The following NKAIN4 variants were observed in gnomAD, a reference collection of about 807,000 sequenced individuals.
NKAIN4 encodes sodium/potassium transporting ATPase interacting 4, also known as sodium/potassium-transporting ATPase subunit beta-1-interacting protein 4.
In NKAIN4, 28 loss-of-function variants were observed where a neutral mutation model predicts 28.8. The observed-to-expected ratio is 0.97, with a 90% CI of 0.72 to 1.33. The LOEUF (loss-of-function observed/expected upper bound fraction) is 1.33, where lower values mean the gene tolerates loss of function less well. NKAIN4 is among the 40% of genes most tolerant of loss of function. The pLI, the probability that NKAIN4 is intolerant of heterozygous loss-of-function variation, is 0.00. For missense variants in NKAIN4, 289 were observed against 277.2 expected (o/e 1.04, Z -0.30); for synonymous variants, 122 against 115.6 (o/e 1.06, Z -0.36).
rs975403140 is a variant in NKAIN4 at position 63,245,334 on chromosome 20, C to T, written c.472-1250G>A. ...GGCAACCTCCACGGCTCGTCCCCCT[C>T]CTCACCCCAAAGGAGCCCAAGACGC... On this transcript the variant is annotated intron_variant, in intron 4 of 6. Transcript: ENST00000370316. The surrounding 1 kb of genome is among the most constrained non-coding windows in gnomAD (Gnocchi z 4.7). Among the ~76,000 whole-genome samples the T allele has an allele frequency of 1.1e-4, 16 of 152,180 alleles. No homozygotes were observed. Among genetic ancestry groups the T allele is most frequent in the African/African-American group, 3.6e-4 (15 of 41,436 alleles).
intron 4 of NKAIN4, chr20:63,246,865 C>T (rs890646205): frequency 2.0e-6 from 2 of 985,180 alleles, no homozygotes; most frequent in Admixed American, 6.1e-5. Context: ...GAGGCGGGAG[C>T]TGAGGCACAC....
chr20:63,243,052 T>G (rs1291020652), intron 5 of NKAIN4, among the ~76,000 whole-genome samples: 2 of 152,194 alleles, frequency 1.3e-5, no homozygotes, highest in Non-Finnish European at 2.9e-5. Context: ...ACCGATGGCT[T>G]CCTTGACACT....
chr20:63,247,806 T>G (rs1374849862), intron 3 of NKAIN4, 31 bp from the exon 4 acceptor site: 2 of 1,425,736 alleles, frequency 1.4e-6, no homozygotes, highest in East Asian at 2.6e-5. Context: ...CAGGGCCGGT[T>G]AGCACCAGGA....
chr20:63,248,848 G>T lies in NKAIN4; in HGVS notation c.240C>A (p.Ile80=). 6.2e-7 allele frequency: 1 copy of T among 1,612,888 alleles called. No individual in the cohort carries two copies. The highest frequency in any genetic ancestry group is 8.5e-7 in the Non-Finnish European group (1 of 1,179,856). ...GGCCACCGACTTCCAGGTAGAAGCA[G>T]ATGATGAAGACGTTCCAGGTGACCC... is the stretch of plus-strand genomic sequence containing the variant. ...AVWVTWNVFI[I]CFYLEVGGLL... is the part of the protein sequence containing the mutation. The change falls in exon 3 of 7, where the codon ATC becomes ATA. Residue 80 remains isoleucine, a synonymous_variant. Transcript: ENST00000370316.
At position 63,242,649 on chromosome 20, in the gene NKAIN4, A is replaced by C. The variant is rs1191323502; in HGVS notation, c.533-26T>G. 4 of 1,547,764 alleles carry C rather than the reference A, an allele frequency of 2.6e-6. No individual in the cohort carries two copies. In the South Asian group the frequency reaches 4.5e-5, roughly 17 times the overall value. ...CTGAAAGAAATCAAGACCCAAATAA[A>C]ACAAAACCTACACAATGGAAAAGAT... On this transcript the variant is annotated intron_variant, in intron 5 of 6. Coordinates refer to ENST00000370316, the MANE Select transcript of NKAIN4 (RefSeq NM_152864.4).
intron 5 of NKAIN4, 31 bp from the exon 6 acceptor site, chr20:63,242,654 A>T (rs377455549): frequency 2.7e-5 from 41 of 1,528,854 alleles, no homozygotes; most frequent in Non-Finnish European, 3.5e-5. Context: ...AATAAAACAA[A>T]ACCTACACAA....
chr20:63,243,925 G>C, intron 5 of NKAIN4, 99 bp downstream of exon 5: 1 of 989,766 alleles, frequency 1.0e-6, no homozygotes, highest in Non-Finnish European at 1.5e-6. Context: ...TCCCTTCCAA[G>C]TGGGGAGGTC....
At position 63,254,422 on chromosome 20, in the gene NKAIN4, AGCGCGCAGCG is replaced by A. The variant is rs1432874062; in HGVS notation, c.19_28del (p.Arg7SerfsTer81). ...CAGCTGAAAAGCGCAGAGGACGACG[AGCGCGCAGCG>A]GCCGGAGCAGGAGCCCATGGTGCCC... On this transcript the variant is annotated frameshift_variant, in exon 1 of 7. Transcript: ENST00000370316. LOFTEE classifies it high-confidence loss of function. The A allele has an allele frequency of 2.1e-6, 3 of 1,442,768 alleles. No homozygotes were observed. The highest frequency in any genetic ancestry group is 2.7e-6 in the Non-Finnish European group (3 of 1,098,464). 89.4% of individuals were successfully genotyped at this position (1,442,768 alleles called of 1,614,324 possible). A position where few individuals can be genotyped will look rare whatever the true frequency, so the allele number is the denominator to read the frequency against.
upstream of NKAIN4, chr20:63,254,513 C>A (rs1389617181): frequency 2.0e-5 from 24 of 1,170,746 alleles, no homozygotes; most frequent in Admixed American, 4.3e-5. Context: ...CCGCTCCGCC[C>A]GCTCCCCACG....
intron 6 of NKAIN4, among the ~76,000 whole-genome samples, chr20:63,242,190 A>C (rs981956562): frequency 5.9e-5 from 9 of 152,084 alleles, no homozygotes; most frequent in Admixed American, 3.3e-4. Context: ...TGCCACAGAG[A>C]GACCCCTACA....
rs749009324 is a variant in NKAIN4 at position 63,249,948 on chromosome 20, C to T, written c.179G>A (p.Arg60His). Residue 60 changes from arginine (R) to histidine (H), a missense_variant, in exon 2 of 7, where the codon CGC (arginine) becomes CAC (histidine). By Grantham distance (29) the Arg-to-His change is conservative. Transcript: ENST00000370316. ...CCCAGGACTCACCACCATGACATAG[C>T]GCAGCCGGTACTGGATGGTGCCGAA... ...GLFGTIQYRLRYVMVYTLWAA... is the reference protein window; with the variant it reads ...GLFGTIQYRLHYVMVYTLWAA... The T allele has an allele frequency of 2.5e-5, 40 of 1,613,098 alleles. No homozygotes were observed. The highest frequency in any genetic ancestry group is 3.3e-5 in the Admixed American group (2 of 59,952).
chr20:63,244,919 A>G (rs957114134), intron 4 of NKAIN4, among the ~76,000 whole-genome samples: 1 of 152,170 alleles, frequency 6.6e-6, no homozygotes, highest in African/African-American at 2.4e-5. Context: ...TCCTGGTTGC[A>G]CCTCAGGCCA....
chr20:63,252,650 C>G lies in NKAIN4; in HGVS notation c.54+1747G>C, dbSNP rs2066981466. Among the ~76,000 whole-genome samples, 1 of 152,092 alleles carries G rather than the reference C, an allele frequency of 6.6e-6. No individual in the cohort carries two copies. ...CTCCCTGCTGCGGTTCAGCAGTGAC[C>G]CAGAGGCTGGCCCTGAGAGGACACG... On this transcript the variant is annotated intron_variant, in intron 1 of 6. Coordinates refer to ENST00000370316, the MANE Select transcript of NKAIN4 (RefSeq NM_152864.4). The surrounding 1 kb of genome is among the most constrained non-coding windows in gnomAD (Gnocchi z 4.6).
intron 4 of NKAIN4, chr20:63,244,564 G>A (rs1171709681): frequency 2.1e-6 from 1 of 471,108 alleles, no homozygotes. Flanking sequence ...GCCCGGCAAA[G>A]TGCAGGAGAG....
intron 5 of NKAIN4, chr20:63,243,764 C>G (rs544743193): frequency 2.5e-6 from 1 of 402,288 alleles, no homozygotes; most frequent in South Asian, 4.1e-5. Context: ...ATCATGAGGG[C>G]AGGCCCAGCC....
rs754405977 is a variant in NKAIN4, at chr20:63,254,362, G to A, written c.54+35C>T. The A allele has an allele frequency of 6.3e-5, 90 of 1,420,540 alleles. No homozygotes were observed. The South Asian group carries it at 1.1e-3, about 18-fold the overall frequency. The allele number at this position is 1,420,540 out of a possible 1,614,324, so 88.0% of individuals were successfully genotyped here. ...CAGCCGCCGTGGGTCGGGCACCGGGGGCTCCAGGAGGCTCGCGGAGGGGTC... is the reference window on the plus strand; with the variant it reads ...CAGCCGCCGTGGGTCGGGCACCGGGAGCTCCAGGAGGCTCGCGGAGGGGTC... On this transcript the variant is annotated intron_variant, in intron 1 of 6. Transcript: ENST00000370316.
rs2066986761 is a variant in NKAIN4 at position 63,252,960 on chromosome 20, C to A, written c.54+1437G>T. 6.6e-6 allele frequency among the ~76,000 whole-genome samples: 1 copy of A among 152,194 alleles called. No individual in the cohort carries two copies. The highest frequency in any genetic ancestry group is 2.4e-5 in the African/African-American group (1 of 41,444). ...CCAGCACCATCAACCCCAGCACATC[C>A]TCACACCACCTTCAACAGATGGAAA... is the stretch of plus-strand genomic sequence containing the variant. On this transcript the variant is annotated intron_variant, in intron 1 of 6. Transcript: ENST00000370316. This position sits in a 1 kb window ranked among gnomAD's most constrained non-coding sequence, Gnocchi z 4.6.
At chr20:63,247,284 C>A (rs1435316688) in intron 4 of NKAIN4, 1 of 1,338,962 alleles carries the variant, frequency 7.5e-7, no homozygotes. Context: ...CGGGGTGTCT[C>A]GGCCTGATCC....
Position 63,254,425 on chromosome 20 carries a change from G to A in NKAIN4, c.26C>T (p.Ala9Val), listed in dbSNP as rs2067015864. 1.4e-6 allele frequency: 2 copies of A among 1,440,744 alleles called. No homozygotes were observed. Among genetic ancestry groups the A allele is most frequent in the South Asian group, 1.4e-5 (1 of 73,294 alleles). The allele number at this position is 1,440,744 out of a possible 1,614,324, so 89.2% of individuals were successfully genotyped here. The change falls in exon 1 of 7, where the codon GCG (alanine) becomes GTG (valine). Residue 9 changes from alanine to valine, a missense_variant. Ala to Val is a moderately conservative substitution (Grantham distance 64). Coordinates refer to ENST00000370316, the MANE Select transcript of NKAIN4 (RefSeq NM_152864.4). MGSCSGRC[A>V]LVVLCAFQLV... ...CTGAAAAGCGCAGAGGACGACGAGC[G>A]CGCAGCGGCCGGAGCAGGAGCCCAT...
Sources: allele counts gnomAD v4.1 joint callset (sites outside exome capture counted in the v4.1 genomes callset), GRCh38; gene constraint gnomAD v4.1.1; non-coding constraint Gnocchi (gnomAD v3.1); transcripts MANE v1.5; gene names NCBI Gene and HGNC (gene_info 2026-07-23, HGNC 2026-07-21).